FGF7: variants seen among roughly 807,000 people sequenced by gnomAD.
FGF7 encodes the protein fibroblast growth factor 7, also known as FGF-7.
In FGF7, 6 loss-of-function variants were observed where a neutral mutation model predicts 20.5. The observed-to-expected ratio is 0.29, with a 90% CI of 0.16 to 0.58. FGF7 has a LOEUF of 0.58. FGF7 is among the 20% of genes least tolerant of loss of function. The pLI, the probability that FGF7 is intolerant of heterozygous loss-of-function variation, is 0.90. For synonymous variants in FGF7, 64 were observed against 74.7 expected, an observed-to-expected ratio of 0.86 and a Z score of 0.74; for missense variants, 144 against 228.8, an observed-to-expected ratio of 0.63 and a Z score of 2.39.
At chr15:49,426,954 T>C (rs568803789) in intron 2 of FGF7, among the ~76,000 whole-genome samples, 14 of 152,124 alleles carry the variant, frequency 9.2e-5, no homozygotes, top group African/African-American at 3.4e-4. Flanking sequence ...GGCTATCTTA[T>C]TGGAGAAGGA....
Position 49,424,189 on chromosome 15 carries a change from A to G in FGF7, c.-109A>G. ...GGAAAGAGCAACTACTCTTTCTTAA[A>G]TCAATCTACAATTCACAGATAGGAA... is the stretch of plus-strand genomic sequence containing the variant. On this transcript the variant is annotated 5_prime_UTR_variant, in exon 2 of 4. Transcript: ENST00000267843. The G allele has an allele frequency of 9.9e-7, 1 of 1,006,142 alleles. No individual in the cohort carries two copies. The highest frequency in any genetic ancestry group is 1.5e-6 in the Non-Finnish European group (1 of 677,244). The allele number at this position is 1,006,142 out of a possible 1,614,324, so 62.3% of individuals were successfully genotyped here.
intron 2 of FGF7, among the ~76,000 whole-genome samples, chr15:49,429,407 T>C (rs957185078): frequency 6.6e-6 from 1 of 152,132 alleles, no homozygotes; most frequent in African/African-American, 2.4e-5. Context: ...CTGGCACTTA[T>C]GAAGTGCTAA....
chr15:49,425,901 CTA>C (rs2050088194), intron 2 of FGF7, among the ~76,000 whole-genome samples: 1 of 151,302 alleles, frequency 6.6e-6, no homozygotes, highest in African/African-American at 2.4e-5. Context: ...AAGGAAATGA[CTA>C]TTTGGAGAAA....
intron 2 of FGF7, among the ~76,000 whole-genome samples, chr15:49,449,871 T>C (rs983296985): frequency 1.3e-5 from 2 of 152,126 alleles, no homozygotes; most frequent in Admixed American, 6.6e-5. Flanking sequence ...GATACTGTCA[T>C]CCTGTGAATT....
At chr15:49,473,638 G>A (rs2054989313) in intron 2 of FGF7, among the ~76,000 whole-genome samples, 1 of 152,042 alleles carries the variant, frequency 6.6e-6, no homozygotes, top group Non-Finnish European at 1.5e-5. Context: ...TTTATTTATG[G>A]AGCACTATTT....
chr15:49,441,221 C>T (rs1387782137), intron 2 of FGF7, among the ~76,000 whole-genome samples: 1 of 151,570 alleles, frequency 6.6e-6, no homozygotes, highest in East Asian at 1.9e-4. Context: ...AACAATACTG[C>T]CAATGTTGCC....
intron 2 of FGF7, among the ~76,000 whole-genome samples, chr15:49,461,723 A>G (rs2053816685): frequency 6.6e-6 from 1 of 152,244 alleles, no homozygotes; most frequent in Non-Finnish European, 1.5e-5. Flanking sequence ...AAAAATTTTT[A>G]TACTCCATTA....
chr15:49,458,820 C>A (rs1354244013), intron 2 of FGF7, among the ~76,000 whole-genome samples: 2 of 152,026 alleles, frequency 1.3e-5, no homozygotes, highest in Non-Finnish European at 2.9e-5. Flanking sequence ...ATAAGTCTTG[C>A]AGATGAATTC....
At chr15:49,482,172 T>G (rs754243773) in intron 2 of FGF7, among the ~76,000 whole-genome samples, 14 of 152,078 alleles carry the variant, frequency 9.2e-5, no homozygotes, top group Non-Finnish European at 1.6e-4. Flanking sequence ...AAAATGTAAT[T>G]AATAGCAAAT....
At chr15:49,449,172 T>C (rs1236832307) in intron 2 of FGF7, among the ~76,000 whole-genome samples, 2 of 151,910 alleles carry the variant, frequency 1.3e-5, no homozygotes, top group Non-Finnish European at 2.9e-5. Flanking sequence ...TCAGACTGCA[T>C]TACTAAGTCT....
chr15:49,482,866 TTAATTC>T (rs986984346), intron 2 of FGF7, among the ~76,000 whole-genome samples: 7 of 152,022 alleles, frequency 4.6e-5, no homozygotes, highest in Non-Finnish European at 8.8e-5. Flanking sequence ...AATTAGAAAT[TTAATTC>T]TAGAGAATAA....
At position 49,442,494 on chromosome 15, in the gene FGF7, G is replaced by A. The variant is rs528685556; in HGVS notation, c.286+17911G>A. 9.1e-4 allele frequency among the ~76,000 whole-genome samples: 138 copies of A among 151,736 alleles called. 5 individuals are homozygous for A. The South Asian group carries it at 0.027, about 30-fold the overall frequency. On this transcript the variant is annotated intron_variant, in intron 2 of 3. Transcript: ENST00000267843. Reference sequence around the variant, plus strand: ...GATTACTGTATTCTCCTAGACTTTAGAACCAGGAGTTGGAAGTATTATAGG... The same window carrying A: ...GATTACTGTATTCTCCTAGACTTTAAAACCAGGAGTTGGAAGTATTATAGG...
At chr15:49,443,255 C>T (rs2051847699) in intron 2 of FGF7, among the ~76,000 whole-genome samples, 1 of 151,454 alleles carries the variant, frequency 6.6e-6, no homozygotes. Flanking sequence ...AATAAATACT[C>T]AAAACTCTTT....
chr15:49,481,155 T>A (rs1159204220), intron 2 of FGF7, among the ~76,000 whole-genome samples: 1 of 152,188 alleles, frequency 6.6e-6, no homozygotes, highest in Non-Finnish European at 1.5e-5. Flanking sequence ...TTTACAATGC[T>A]AAGATCTTTA....
At chr15:49,424,982 G>A (rs1038676887) in intron 2 of FGF7, 1 of 153,412 alleles carries the variant, frequency 6.5e-6, no homozygotes, top group Non-Finnish European at 1.5e-5. Flanking sequence ...AAAGAGTAGG[G>A]AAATTATTTT....
Position 49,484,604 on chromosome 15 carries a change from A to C in FGF7, c.*100A>C. On this transcript the variant is annotated 3_prime_UTR_variant, in exon 4 of 4. Coordinates refer to ENST00000267843, the MANE Select transcript of FGF7 (RefSeq NM_002009.4). ...TTTTCTTTCCTTTTATTTTTTAGTA[A>C]TCAAGAAAGGCTGGAAAACTACTGA... is the stretch of plus-strand genomic sequence containing the variant. 2 of 549,884 alleles carry C rather than the reference A, an allele frequency of 3.6e-6. No homozygotes were observed. The highest frequency in any genetic ancestry group is 6.1e-6 in the Non-Finnish European group (2 of 328,018). 34.1% of individuals were successfully genotyped at this position (549,884 alleles called of 1,614,324 possible).
chr15:49,476,290 G>A (rs890388544), intron 2 of FGF7, among the ~76,000 whole-genome samples: 19 of 127,502 alleles, frequency 1.5e-4, no homozygotes, highest in African/African-American at 5.1e-4. Flanking sequence ...TATTTTTTCT[G>A]TGGAAAAAGA....
At chr15:49,478,334 GT>G (rs996315404) in intron 2 of FGF7, among the ~76,000 whole-genome samples, 69 of 147,090 alleles carry the variant, frequency 4.7e-4, no homozygotes, top group Admixed American at 8.1e-4. Flanking sequence ...TTTTAACTAG[GT>G]TTTTTTTTTC....
intron 2 of FGF7, among the ~76,000 whole-genome samples, chr15:49,453,858 AT>A (rs1316195912): frequency 6.6e-6 from 1 of 151,970 alleles, no homozygotes; most frequent in Non-Finnish European, 1.5e-5. Flanking sequence ...TACCTTATAC[AT>A]TTTACATAAG....
Sources: allele counts gnomAD v4.1 joint callset (sites outside exome capture counted in the v4.1 genomes callset), GRCh38; gene constraint gnomAD v4.1.1; transcripts MANE v1.5; gene names NCBI Gene and HGNC (gene_info 2026-07-23, HGNC 2026-07-21).